Variants in CLIC2 observed in about 807,000 individuals in gnomAD.
The protein encoded by CLIC2 is chloride intracellular channel protein 2.
Under a neutral mutation model 14.8 loss-of-function variants are expected in CLIC2, and 9 were observed. That is an observed-to-expected ratio of 0.61 (90% CI 0.37 to 1.06). The LOEUF is 1.06. CLIC2 is among the 50% of genes least tolerant of loss of function. The pLI is 0.01. For synonymous variants in CLIC2, 61 were observed against 66.3 expected (o/e 0.92, Z 0.39); for missense variants, 148 against 181.4 (o/e 0.82, Z 1.06).
Position 155,317,527 on chromosome X carries a change from C to T in CLIC2, c.57+16844G>A, listed in dbSNP as rs182897156. 5.9e-3 allele frequency among the ~76,000 whole-genome samples: 661 copies of T among 111,485 alleles called. 3 individuals carry two copies. The highest frequency in any genetic ancestry group is 0.02 in the African/African-American group (613 of 30,749). ...ACCAGGAAGTTATAGTAACTCTGAA[C>T]ACACCAATAACAAGCAGCAAGATTA... On this transcript the variant is annotated intron_variant, in intron 1 of 5. Coordinates refer to ENST00000369449, the MANE Select transcript of CLIC2 (RefSeq NM_001289.6).
intron 1 of CLIC2, among the ~76,000 whole-genome samples, chrX:155,303,867 T>C (rs1268943262): frequency 1.9e-5 from 2 of 103,015 alleles, no homozygotes; most frequent in Non-Finnish European, 4.0e-5. Flanking sequence ...TATGAAATTC[T>C]GGGTTGAAAA....
chrX:155,302,299 T>C (rs1294003169), intron 1 of CLIC2, among the ~76,000 whole-genome samples: 1 of 107,110 alleles, frequency 9.3e-6, no homozygotes, highest in African/African-American at 3.4e-5. Context: ...CTTCCTGGTT[T>C]AGTCTTGGGA....
chrX:155,279,125 T>C, intron 5 of CLIC2, 24 bp downstream of exon 5: 1 of 1,200,362 alleles, frequency 8.3e-7, no homozygotes, highest in Non-Finnish European at 1.1e-6. Flanking sequence ...TCCCACCCAT[T>C]CAGCCTGCCT....
chrX:155,309,579 C>T (rs782401584), intron 1 of CLIC2: 9 of 278,394 alleles, frequency 3.2e-5, no homozygotes, highest in Non-Finnish European at 6.1e-5. Flanking sequence ...CACAGTTCCA[C>T]GTGGCTGGGA....
intron 3 of CLIC2, among the ~76,000 whole-genome samples, chrX:155,286,220 G>A (rs190319921): frequency 2.7e-5 from 3 of 111,996 alleles, no homozygotes; most frequent in South Asian, 3.7e-4. Flanking sequence ...TTATATATGC[G>A]AACATGTAGT....
At chrX:155,291,081 CT>C in intron 3 of CLIC2, 5 of 905,504 alleles carry the variant, frequency 5.5e-6, no homozygotes, top group Non-Finnish European at 8.0e-6. Context: ...TGCATATAAC[CT>C]TTTTTGACGG....
chrX:155,276,582 T>G lies in CLIC2; in HGVS notation c.*1321A>C, dbSNP rs1420701662. 1 of 111,740 alleles carries G rather than the reference T, an allele frequency of 8.9e-6. No homozygotes were observed. The highest frequency in any genetic ancestry group is 1.9e-5 in the Non-Finnish European group (1 of 53,056). The allele number at this position is 111,740 out of a possible 1,213,427, so 9.2% of individuals were successfully genotyped here. ...TACCCTCTACTTGTGTGAGATCAAC[T>G]TTTTAAAATTCCACATATGAGTGAG... is the stretch of plus-strand genomic sequence containing the variant. On this transcript the variant is annotated 3_prime_UTR_variant, in exon 6 of 6. Coordinates refer to ENST00000369449, the MANE Select transcript of CLIC2 (RefSeq NM_001289.6).
chrX:155,306,439 C>G (rs1428831738), intron 1 of CLIC2, among the ~76,000 whole-genome samples: 2 of 111,817 alleles, frequency 1.8e-5, no homozygotes, highest in Non-Finnish European at 3.8e-5. Context: ...ATCTGCAGAA[C>G]TATGAGTCAA....
intron 1 of CLIC2, chrX:155,310,251 G>A (rs972722528): frequency 1.5e-5 from 2 of 136,168 alleles, no homozygotes; most frequent in South Asian, 2.1e-4. Flanking sequence ...GGGTTTATAA[G>A]GTTTAGCTTA....
Position 155,299,087 on chromosome X carries a change from A to T in CLIC2, c.116T>A (p.Ile39Asn). The change falls in exon 2 of 6, where the codon ATC (isoleucine) becomes AAC (asparagine). Residue 39 changes from isoleucine to asparagine, a missense_variant. Ile to Asn is a moderately radical substitution (Grantham distance 149). Transcript: ENST00000369449. ...AAATTTAACTCCTTTAAGCCAGAGG[A>T]TCATGAAAAGGCGTTGGCAAAAGGG... ...NCPFCQRLFM[I>N]LWLKGVKFNV... is the part of the protein sequence containing the mutation. 1 of 1,210,935 alleles carries T rather than the reference A, an allele frequency of 8.3e-7. No individual in the cohort carries two copies. The highest frequency in any genetic ancestry group is 1.8e-5 in the South Asian group (1 of 56,982).
In CLIC2 at chrX:155,299,070, C is replaced by T. The variant is rs782520088; in HGVS notation, c.133G>A (p.Val45Ile). Residue 45 changes from valine to isoleucine, a missense_variant, in exon 2 of 6, where the codon GTT becomes ATT. Coordinates refer to ENST00000369449, the MANE Select transcript of CLIC2 (RefSeq NM_001289.6). ...TCAACAGTTGTCACATTAAATTTAACTCCTTTAAGCCAGAGGATCATGAAA... is the reference window on the plus strand; with the variant it reads ...TCAACAGTTGTCACATTAAATTTAATTCCTTTAAGCCAGAGGATCATGAAA... ...RLFMILWLKG[V>I]KFNVTTVDMT... 3 of 1,209,643 alleles carry T rather than the reference C, an allele frequency of 2.5e-6. No individual in the cohort carries two copies.
At chrX:155,290,379 C>T (rs1205923048) in intron 3 of CLIC2, 48 of 438,868 alleles carry the variant, frequency 1.1e-4, no homozygotes, top group Admixed American at 1.1e-3. Context: ...CTTCATTTTC[C>T]GCTGGGCCCC....
intron 3 of CLIC2, among the ~76,000 whole-genome samples, chrX:155,294,453 G>A (rs1168053197): frequency 7.2e-5 from 8 of 111,729 alleles, no homozygotes; most frequent in African/African-American, 2.6e-4. Flanking sequence ...AAAAAAGTAG[G>A]AAAATGACAA....
intron 1 of CLIC2, among the ~76,000 whole-genome samples, chrX:155,305,153 G>C (rs1254534453): frequency 8.9e-6 from 1 of 112,261 alleles, no homozygotes; most frequent in African/African-American, 3.2e-5. Flanking sequence ...TCAAGCCTGG[G>C]CAATGGCGGG....
At position 155,291,066 on chromosome X, in the gene CLIC2, G is replaced by T. The variant is rs1453492679; in HGVS notation, c.293+7719C>A. The T allele has an allele frequency of 6.1e-6, 5 of 818,661 alleles. No homozygotes were observed. In the African/African-American group the frequency reaches 1.0e-4, roughly 17 times the overall value. The allele number at this position is 818,661 out of a possible 1,213,427, so 67.5% of individuals were successfully genotyped here. A position where few individuals can be genotyped will look rare whatever the true frequency, so the allele number is the denominator to read the frequency against. On this transcript the variant is annotated intron_variant, in intron 3 of 5. Coordinates refer to ENST00000369449, the MANE Select transcript of CLIC2 (RefSeq NM_001289.6). ...AGATTCCTTTTCCAGAGTTGCTCTT[G>T]TTGCTGCATATAACCTTTTTTGACG...
At chrX:155,294,785 A>G (rs1367321654) in intron 3 of CLIC2, among the ~76,000 whole-genome samples, 1 of 111,930 alleles carries the variant, frequency 8.9e-6, no homozygotes, top group Non-Finnish European at 1.9e-5. Flanking sequence ...GAGGAAATGG[A>G]TAAGTTCCAG....
At chrX:155,309,311 A>G (rs1424114118) in intron 1 of CLIC2, among the ~76,000 whole-genome samples, 2 of 111,557 alleles carry the variant, frequency 1.8e-5, no homozygotes, top group Non-Finnish European at 3.8e-5. Flanking sequence ...TGTCTCAAAA[A>G]TAAAAAAATA....
intron 1 of CLIC2, among the ~76,000 whole-genome samples, chrX:155,313,758 T>C (rs1287532352): frequency 8.9e-6 from 1 of 111,974 alleles, no homozygotes; most frequent in Non-Finnish European, 1.9e-5. Flanking sequence ...GTCTCCTTGC[T>C]TTTTAGCTGG....
At chrX:155,321,139 T>C (rs1402426835) in intron 1 of CLIC2, among the ~76,000 whole-genome samples, 1 of 111,990 alleles carries the variant, frequency 8.9e-6, no homozygotes, top group East Asian at 2.8e-4. Flanking sequence ...GAAAACACTC[T>C]TCAGGATATT....
Sources: allele counts gnomAD v4.1 joint callset (sites outside exome capture counted in the v4.1 genomes callset), GRCh38; gene constraint gnomAD v4.1.1; transcripts MANE v1.5; gene names NCBI Gene and HGNC (gene_info 2026-07-23, HGNC 2026-07-21).